ATP13A3: variants seen among roughly 807,000 people sequenced by gnomAD.
ATP13A3 encodes the protein polyamine-transporting ATPase 13A3.
A neutral mutation model predicts 158.1 loss-of-function variants in ATP13A3; 59 were observed. The observed-to-expected ratio is 0.37, with a 90% CI of 0.30 to 0.46. ATP13A3 has a LOEUF of 0.46. ATP13A3 is among the 20% of genes least tolerant of loss of function. The pLI, the probability that ATP13A3 is intolerant of heterozygous loss-of-function variation, is 1.00. For synonymous variants in ATP13A3, 491 were observed against 504.3 expected, an observed-to-expected ratio of 0.97 and a Z score of 0.35; for missense variants, 1,166 against 1,525.2, an observed-to-expected ratio of 0.76 and a Z score of 3.92.
Position 194,454,311 on chromosome 3 carries a change from T to C in ATP13A3, c.712A>G (p.Ile238Val), listed in dbSNP as rs377247207. The C allele has an allele frequency of 2.5e-6, 4 of 1,607,174 alleles. No individual in the cohort carries two copies. The highest frequency in any genetic ancestry group is 1.7e-4 in the Middle Eastern group (1 of 5,824). ...TDEYYYYALA[I>V]VVMSIVSIVS... ...ATTGATACTATGGACATAACCACAATAGCTAGAGCATAGTAATAGTATTCA... is the reference window on the plus strand; with the variant it reads ...ATTGATACTATGGACATAACCACAACAGCTAGAGCATAGTAATAGTATTCA... The change falls in exon 9 of 34, where the codon ATT (isoleucine) becomes GTT (valine). Residue 238 changes from isoleucine (I) to valine (V), a missense_variant. Physicochemically the swap from Ile to Val is conservative, Grantham distance 29. Transcript: ENST00000645319.
At chr3:194,453,280 T>TAAAAAA (rs35230118) in intron 10 of ATP13A3, among the ~76,000 whole-genome samples, 1 of 100,948 alleles carries the variant, frequency 9.9e-6, no homozygotes, top group East Asian at 2.8e-4. Context: ...ACATCGACTT[T>TAAAAAA]AAAAAAAAAA....
chr3:194,433,542 C>T (rs545753267), intron 21 of ATP13A3, among the ~76,000 whole-genome samples: 8 of 152,260 alleles, frequency 5.3e-5, no homozygotes, highest in South Asian at 2.1e-4. Context: ...CGCGCCCGGC[C>T]GTACTTTTAC....
chr3:194,427,987 G>A (rs553274834), intron 28 of ATP13A3, among the ~76,000 whole-genome samples: 225 of 152,090 alleles, frequency 1.5e-3, no homozygotes, highest in African/African-American at 3.2e-3. Context: ...TTGGGAGGCC[G>A]AGGCGGGCGG....
chr3:194,490,051 C>T (rs1483749589), upstream of ATP13A3, among the ~76,000 whole-genome samples: 2 of 152,136 alleles, frequency 1.3e-5, no homozygotes, highest in Non-Finnish European at 2.9e-5. The surrounding 1 kb of genome is among the most constrained non-coding windows in gnomAD (Gnocchi z 4.4). Context: ...ACAGTCATAC[C>T]AGTAAGGTCT....
At chr3:194,433,487 C>T (rs949384417) in intron 21 of ATP13A3, among the ~76,000 whole-genome samples, 5 of 152,146 alleles carry the variant, frequency 3.3e-5, no homozygotes, top group African/African-American at 1.2e-4. Flanking sequence ...TCATGATCCA[C>T]CCGCCTCGGC....
chr3:194,427,972 G>GC (rs1168599389), intron 28 of ATP13A3, among the ~76,000 whole-genome samples: 9 of 152,064 alleles, frequency 5.9e-5, no homozygotes, highest in Admixed American at 4.6e-4. Flanking sequence ...TGTAATCCCA[G>GC]CAATTTGGGA....
chr3:194,462,419 T>C (rs1355053047), intron 2 of ATP13A3, among the ~76,000 whole-genome samples, 183 bp from the exon 3 acceptor site: 5 of 152,188 alleles, frequency 3.3e-5, no homozygotes, highest in Admixed American at 2.6e-4. Context: ...GCCCCAGCTC[T>C]ACCTCCCATC....
intron 20 of ATP13A3, among the ~76,000 whole-genome samples, chr3:194,434,866 A>G (rs1317318383): frequency 1.3e-5 from 2 of 152,214 alleles, no homozygotes; most frequent in African/African-American, 4.8e-5. Flanking sequence ...GTCTGCAGTG[A>G]GAAGTGTTTG....
In ATP13A3 at chr3:194,433,690, T is replaced by A. The variant is rs1717414958; in HGVS notation, c.2245+82A>T. On this transcript the variant is annotated intron_variant, in intron 21 of 33. Transcript: ENST00000645319. Reference sequence around the variant, plus strand: ...CACTATAGACTATATAATATGATTTTATAACTGATTATCCCTCAATATAAT... The same window carrying A: ...CACTATAGACTATATAATATGATTTAATAACTGATTATCCCTCAATATAAT... The A allele has an allele frequency of 5.9e-6, 9 of 1,534,628 alleles. No homozygotes were observed. The South Asian group carries it at 1.1e-4, about 18-fold the overall frequency.
intron 28 of ATP13A3, 114 bp from the exon 29 acceptor site, chr3:194,427,366 T>A (rs1716863202): frequency 1.1e-6 from 1 of 932,152 alleles, no homozygotes; most frequent in African/African-American, 1.7e-5. Flanking sequence ...TAACAATTCT[T>A]TAATACAAAA....
chr3:194,420,179 G>A (rs1273303282), intron 30 of ATP13A3: 1 of 322,820 alleles, frequency 3.1e-6, no homozygotes, highest in Non-Finnish European at 5.3e-6. Flanking sequence ...GTGATGTTAT[G>A]TTTAAACTCC....
chr3:194,472,109 G>C (rs1720334178), intron 2 of ATP13A3: 1 of 152,944 alleles, frequency 6.5e-6, no homozygotes, highest in African/African-American at 2.4e-5. Flanking sequence ...GACGCCATCT[G>C]AGGAATGGCT....
intron 2 of ATP13A3, among the ~76,000 whole-genome samples, chr3:194,465,587 C>A (rs1033545801): frequency 6.6e-6 from 1 of 152,086 alleles, no homozygotes; most frequent in African/African-American, 2.4e-5. Flanking sequence ...CTTTAGTTAG[C>A]GGGATAAAAT....
In ATP13A3 at chr3:194,441,083, G is replaced by A. The variant is rs559616199; in HGVS notation, c.1710+228C>T. On this transcript the variant is annotated intron_variant, in intron 16 of 33. Transcript: ENST00000645319. ...TAAACACAAAGCAGGGGCCTGAGCT[G>A]GTCAGCCTCTATTAAAGGTGTACTA... is the stretch of plus-strand genomic sequence containing the variant. 4.6e-5 allele frequency among the ~76,000 whole-genome samples: 7 copies of A among 152,210 alleles called. 1 individual carries two copies. The South Asian group carries it at 1.5e-3, about 32-fold the overall frequency.
intron 31 of ATP13A3, among the ~76,000 whole-genome samples, chr3:194,414,261 G>C (rs138776416): frequency 6.6e-6 from 1 of 152,124 alleles, no homozygotes; most frequent in African/African-American, 2.4e-5. Flanking sequence ...CTAGGAGTTT[G>C]AGCCTAGCCT....
chr3:194,493,572 G>T (rs1415367039), intron 2 of ATP13A3, among the ~76,000 whole-genome samples: 4 of 151,504 alleles, frequency 2.6e-5, no homozygotes, highest in African/African-American at 9.7e-5. Flanking sequence ...GCATGAACCC[G>T]GAGGTGGAGG....
In ATP13A3 at chr3:194,431,090, C is replaced by A; in HGVS notation, c.2544+14G>T. The A allele has an allele frequency of 6.2e-7, 1 of 1,613,332 alleles. No homozygotes were observed. The highest frequency in any genetic ancestry group is 1.7e-4 in the Middle Eastern group (1 of 6,060). On this transcript the variant is annotated intron_variant, in intron 23 of 33. Transcript: ENST00000645319. ...GCATTCATGTGAGCACACACATACA[C>A]CCAAATTACTTACCTTAGGAACAAG...
intron 14 of ATP13A3, among the ~76,000 whole-genome samples, chr3:194,445,152 A>G (rs1267648299): frequency 6.6e-6 from 1 of 152,214 alleles, no homozygotes; most frequent in Non-Finnish European, 1.5e-5. Flanking sequence ...ATTACTGTAT[A>G]AGGAGGGCCA....
At chr3:194,427,656 A>C in intron 28 of ATP13A3, among the ~76,000 whole-genome samples, 1 of 148,774 alleles carries the variant, frequency 6.7e-6, no homozygotes, top group African/African-American at 2.5e-5. Context: ...TAAATAAATA[A>C]ATAAATAAAT....
Sources: gnomAD v4.1 joint callset for allele counts (sites outside exome capture counted in the v4.1 genomes callset) on GRCh38, gnomAD v4.1.1 for gene constraint, Gnocchi (gnomAD v3.1) non-coding constraint, MANE v1.5 for transcripts, NCBI Gene and HGNC (gene_info 2026-07-23, HGNC 2026-07-21) for gene names.